Variants in GPC6 observed in about 807,000 individuals in gnomAD.
GPC6 encodes the protein glypican-6.
GPC6 carries 14 observed loss-of-function variants against 55.2 expected under a neutral mutation model. The ratio of observed to expected loss-of-function variants is 0.25; its 90% CI spans 0.17 to 0.40. The LOEUF (loss-of-function observed/expected upper bound fraction) is 0.40. GPC6 is among the 10% of genes least tolerant of loss of function. GPC6 has a pLI of 1.00. For missense variants in GPC6, 641 were observed against 708.5 expected, an observed-to-expected ratio of 0.90 and a Z score of 1.08; for synonymous variants, 278 against 259.6, an observed-to-expected ratio of 1.07 and a Z score of -0.68.
intron 4 of GPC6, among the ~76,000 whole-genome samples, chr13:94,039,375 G>A (rs1417015267): frequency 1.3e-5 from 2 of 151,862 alleles, no homozygotes; most frequent in Admixed American, 6.6e-5. Flanking sequence ...TCTAAGCATG[G>A]CACAAAAGGA....
At chr13:94,357,335 C>T (rs1475460331) in intron 6 of GPC6, among the ~76,000 whole-genome samples, 2 of 152,174 alleles carry the variant, frequency 1.3e-5, no homozygotes, top group Non-Finnish European at 2.9e-5. Context: ...CACCAGCTCA[C>T]TCTTCAAGAT....
At chr13:93,938,851 C>T (rs1030188018) in intron 3 of GPC6, among the ~76,000 whole-genome samples, 5 of 152,158 alleles carry the variant, frequency 3.3e-5, no homozygotes, top group Non-Finnish European at 2.9e-5. Flanking sequence ...CGCCTGTAAT[C>T]CCAGCACTTT....
At chr13:93,770,192 T>C (rs145511325) in intron 2 of GPC6, among the ~76,000 whole-genome samples, 2,260 of 152,278 alleles carry the variant, frequency 0.015, 45 homozygotes, top group African/African-American at 0.051. Context: ...ATGTTACTTA[T>C]CTATTTTTAT....
At chr13:94,136,589 A>G (rs1310051574) in intron 4 of GPC6, among the ~76,000 whole-genome samples, 1 of 152,158 alleles carries the variant, frequency 6.6e-6, no homozygotes, top group East Asian at 1.9e-4. Flanking sequence ...GGGTGCCTGT[A>G]GTCCCAGCCA....
At chr13:93,687,312 A>C (rs979920696) in intron 2 of GPC6, among the ~76,000 whole-genome samples, 1 of 152,068 alleles carries the variant, frequency 6.6e-6, no homozygotes. Context: ...AATCTGGTTT[A>C]TATTAGGTTG....
At chr13:93,656,257 CAAGA>C (rs1231257344) in intron 2 of GPC6, among the ~76,000 whole-genome samples, 7 of 151,980 alleles carry the variant, frequency 4.6e-5, no homozygotes, top group African/African-American at 7.2e-5. Flanking sequence ...TAAATCAAGA[CAAGA>C]AAGTCATCAA....
At chr13:93,217,360 T>A in the GPC6 span, among the ~76,000 whole-genome samples, 2 of 152,254 alleles carry the variant, frequency 1.3e-5, no homozygotes. Context: ...TTTTGAAATA[T>A]TTCTTGGGCA....
rs184224822 is a variant in GPC6 at position 93,398,279 on chromosome 13, T to C, written c.161-146984T>C. ...ACAGTCTCTCCCATTAAGCTTTCCT[T>C]GCAGAGTTTTCAAACTAAGGAGTCA... On this transcript the variant is annotated intron_variant, in intron 1 of 8. Coordinates refer to ENST00000377047, the MANE Select transcript of GPC6 (RefSeq NM_005708.5). Among the ~76,000 whole-genome samples, 5 of 152,318 alleles carry C rather than the reference T, an allele frequency of 3.3e-5. No individual in the cohort carries two copies. The East Asian group carries it at 9.6e-4, about 29-fold the overall frequency.
At chr13:94,319,793 C>T (rs1198735348) in intron 6 of GPC6, among the ~76,000 whole-genome samples, 1 of 152,112 alleles carries the variant, frequency 6.6e-6, no homozygotes, top group Non-Finnish European at 1.5e-5. Context: ...TTCTTTCAAG[C>T]TGCTTTTAGG....
At chr13:93,765,270 A>AAGACAACTTTCCAGATAAGCTGTCTGGAC (rs2138883164) in intron 2 of GPC6, among the ~76,000 whole-genome samples, 5 of 152,162 alleles carry the variant, frequency 3.3e-5, no homozygotes, top group African/African-American at 4.8e-5. Context: ...GCTGTCTGGA[A>AAGACAACTTTCCAGATAAGCTGTCTGGAC]AGACAACTTT....
At position 94,317,879 on chromosome 13, in the gene GPC6, G is replaced by A. The variant is rs147742212; in HGVS notation, c.1152+11756G>A. ...TGTGTGTGTGCATGTGTGTGCATGT[G>A]TGTGTGTTTCTTTTTTAATTACTCT... On this transcript the variant is annotated intron_variant, in intron 6 of 8. Coordinates refer to ENST00000377047, the MANE Select transcript of GPC6 (RefSeq NM_005708.5). Among the ~76,000 whole-genome samples the A allele has an allele frequency of 1.7e-4, 26 of 152,188 alleles. No individual in the cohort carries two copies. The East Asian group carries it at 5.0e-3, about 29-fold the overall frequency.
intron 4 of GPC6, among the ~76,000 whole-genome samples, chr13:94,083,769 A>G (rs564570574): frequency 2.0e-5 from 3 of 152,364 alleles, no homozygotes; most frequent in South Asian, 2.1e-4. Context: ...TAATAGGAAG[A>G]CAGGATATCC....
At chr13:93,839,680 G>A (rs1453742903) in intron 3 of GPC6, among the ~76,000 whole-genome samples, 1 of 152,084 alleles carries the variant, frequency 6.6e-6, no homozygotes, top group African/African-American at 2.4e-5. Context: ...AAGTTTGGAG[G>A]ATTTCTCTTT....
chr13:94,260,344 G>T (rs1447787695), intron 4 of GPC6, among the ~76,000 whole-genome samples: 1 of 152,154 alleles, frequency 6.6e-6, no homozygotes, highest in Non-Finnish European at 1.5e-5. Context: ...CCATATCAAA[G>T]TACCACAGAC....
At chr13:93,755,461 G>A (rs963551995) in intron 2 of GPC6, among the ~76,000 whole-genome samples, 5 of 152,134 alleles carry the variant, frequency 3.3e-5, no homozygotes, top group Non-Finnish European at 7.4e-5. Flanking sequence ...TTAGAGCTCT[G>A]GAAAGGCCCT....
At position 93,625,371 on chromosome 13, in the gene GPC6, G is replaced by A. The variant is rs116258599; in HGVS notation, c.319+79950G>A. Among the ~76,000 whole-genome samples the A allele has an allele frequency of 3.3e-3, 506 of 152,256 alleles. 3 individuals carry two copies. Among genetic ancestry groups the A allele is most frequent in the African/African-American group, 0.012 (487 of 41,558 alleles). ...AAAGTAATTAAACTGTGCTTTCTGG[G>A]CATGGCCACCTTCTATGAAAAACAG... On this transcript the variant is annotated intron_variant, in intron 2 of 8. Transcript: ENST00000377047.
rs530385656 is a variant in GPC6 at position 93,281,425 on chromosome 13, G to A, written c.160+53809G>A. ...AATAAATGCTCCTGTACAATCAAAGGGAATGATTAAAATATGTAAGAAACC... is the reference window on the plus strand; with the variant it reads ...AATAAATGCTCCTGTACAATCAAAGAGAATGATTAAAATATGTAAGAAACC... On this transcript the variant is annotated intron_variant, in intron 1 of 8. Coordinates refer to ENST00000377047, the MANE Select transcript of GPC6 (RefSeq NM_005708.5). 8.5e-5 allele frequency among the ~76,000 whole-genome samples: 13 copies of A among 152,160 alleles called. No homozygotes were observed. The South Asian group carries it at 2.7e-3, about 32-fold the overall frequency.
chr13:93,781,359 T>G (rs1483237201), intron 2 of GPC6, among the ~76,000 whole-genome samples: 1 of 152,150 alleles, frequency 6.6e-6, no homozygotes, highest in Non-Finnish European at 1.5e-5. Flanking sequence ...CAAGCGCCAT[T>G]TTGATCCTGT....
At chr13:93,292,954 T>A (rs1470117053) in intron 1 of GPC6, among the ~76,000 whole-genome samples, 1 of 152,160 alleles carries the variant, frequency 6.6e-6, no homozygotes, top group Non-Finnish European at 1.5e-5. Flanking sequence ...CTTTGGCCAG[T>A]GTGTCTAGTT....
Sources: gnomAD v4.1 joint callset for allele counts (sites outside exome capture counted in the v4.1 genomes callset) on GRCh38, gnomAD v4.1.1 for gene constraint, MANE v1.5 for transcripts, NCBI Gene and HGNC (gene_info 2026-07-23, HGNC 2026-07-21) for gene names.